Variants in NEO1 observed in about 807,000 individuals in gnomAD.
The protein encoded by NEO1 is neogenin 1.
In NEO1, 63 loss-of-function variants were observed where a neutral mutation model predicts 159.7. That is an observed-to-expected ratio of 0.39 (90% confidence interval 0.32 to 0.49). The LOEUF (loss-of-function observed/expected upper bound fraction) is 0.49. Among genes scored for constraint, NEO1 ranks in the 20% least tolerant of loss-of-function variants. The pLI is 0.85. For synonymous variants in NEO1, 633 were observed against 662.0 expected, an observed-to-expected ratio of 0.96 and a Z score of 0.67; for missense variants, 1,615 against 1,831.0, an observed-to-expected ratio of 0.88 and a Z score of 2.15.
chr15:73,195,631 A>G (rs1175973079), intron 7 of NEO1, among the ~76,000 whole-genome samples: 1 of 152,132 alleles, frequency 6.6e-6, no homozygotes, highest in Non-Finnish European at 1.5e-5. Flanking sequence ...TCTCATAAAA[A>G]CCTTTATTTA....
At chr15:73,154,101 T>A (rs1489499652) in intron 5 of NEO1, among the ~76,000 whole-genome samples, 1 of 152,158 alleles carries the variant, frequency 6.6e-6, no homozygotes, top group Non-Finnish European at 1.5e-5. Flanking sequence ...ATATATTAGG[T>A]CTTATGTCCT....
intron 1 of NEO1, among the ~76,000 whole-genome samples, chr15:73,099,774 A>G (rs952740658): frequency 2.6e-5 from 4 of 152,224 alleles, no homozygotes; most frequent in African/African-American, 7.2e-5. Context: ...CTTGTTTTCC[A>G]TATGAGGAAA....
At chr15:73,291,970 C>T (rs2042180450) in intron 25 of NEO1, among the ~76,000 whole-genome samples, 1 of 152,130 alleles carries the variant, frequency 6.6e-6, no homozygotes, top group African/African-American at 2.4e-5. Context: ...ACCTGTCTTC[C>T]CCTAGAGTTG....
At chr15:73,180,298 C>G (rs965132728) in intron 7 of NEO1, among the ~76,000 whole-genome samples, 2 of 152,054 alleles carry the variant, frequency 1.3e-5, no homozygotes, top group African/African-American at 4.8e-5. Flanking sequence ...TTTTTGTGTG[C>G]TATTTTTTGA....
chr15:73,054,288 A>G (rs1194144225), intron 1 of NEO1, among the ~76,000 whole-genome samples: 2 of 152,244 alleles, frequency 1.3e-5, no homozygotes, highest in Admixed American at 6.5e-5. Context: ...TTTGCCGATA[A>G]TTTTGTAAGT....
intron 1 of NEO1, among the ~76,000 whole-genome samples, chr15:73,099,386 A>G (rs2070273841): frequency 6.6e-6 from 1 of 152,242 alleles, no homozygotes; most frequent in African/African-American, 2.4e-5. Context: ...ACAGTTGAAT[A>G]GAAGAATTCT....
chr15:73,172,782 A>G (rs1189735040), intron 5 of NEO1, among the ~76,000 whole-genome samples: 9 of 152,214 alleles, frequency 5.9e-5, no homozygotes, highest in Non-Finnish European at 2.9e-5. Context: ...TTTTGTAGGG[A>G]AACTTGAGCA....
chr15:73,064,787 T>C (rs905911094), intron 1 of NEO1, among the ~76,000 whole-genome samples: 2 of 152,208 alleles, frequency 1.3e-5, no homozygotes, highest in Admixed American at 6.5e-5. Context: ...ATATTTATGT[T>C]ATGTTTGTAG....
chr15:73,122,063 GTATATATATATATATA>G (rs200219694), intron 2 of NEO1, among the ~76,000 whole-genome samples: 5 of 126,366 alleles, frequency 4.0e-5, no homozygotes, highest in Non-Finnish European at 7.9e-5. Flanking sequence ...GTGTGTGTGT[GTATATATATATATATA>G]TATATATATA....
chr15:73,254,572 CTGCCTCTA>C, intron 12 of NEO1, 102 bp from the exon 13 acceptor site: 8 of 1,108,578 alleles, frequency 7.2e-6, no homozygotes, highest in Non-Finnish European at 1.0e-5. Flanking sequence ...GAGTACCTTG[CTGCCTCTA>C]TGTTTTTTCT....
chr15:73,182,275 A>T (rs1303553378), intron 7 of NEO1, among the ~76,000 whole-genome samples: 1 of 152,210 alleles, frequency 6.6e-6, no homozygotes, highest in Admixed American at 6.5e-5. Flanking sequence ...GGGTGGGGAC[A>T]CATCCAAACC....
intron 1 of NEO1, among the ~76,000 whole-genome samples, chr15:73,087,931 G>A (rs2069456515): frequency 1.3e-5 from 2 of 151,848 alleles, no homozygotes; most frequent in South Asian, 4.2e-4. Context: ...TTCTAATGTT[G>A]AACATTTAAG....
chr15:73,051,777 G>A (rs1364364617), upstream of NEO1: 1 of 151,970 alleles, frequency 6.6e-6, no homozygotes, highest in Non-Finnish European at 1.5e-5. Context: ...AGTCGGGCGG[G>A]ATCGCTATTG....
At chr15:73,140,872 A>G (rs2032319857) in intron 5 of NEO1, among the ~76,000 whole-genome samples, 1 of 152,266 alleles carries the variant, frequency 6.6e-6, no homozygotes, top group Non-Finnish European at 1.5e-5. Context: ...ACATTGTTAT[A>G]TATAATTCCA....
intron 15 of NEO1, among the ~76,000 whole-genome samples, chr15:73,262,728 C>T (rs1004874159): frequency 3.3e-5 from 5 of 152,078 alleles, no homozygotes; most frequent in South Asian, 4.1e-4. Flanking sequence ...TAATCCCACA[C>T]GTAGATAATT....
chr15:73,074,668 G>C (rs1359253200), intron 1 of NEO1, among the ~76,000 whole-genome samples: 1 of 152,160 alleles, frequency 6.6e-6, no homozygotes, highest in Non-Finnish European at 1.5e-5. Flanking sequence ...ATAGGCACAT[G>C]GCCCTTTATG....
At chr15:73,075,899 G>C (rs1428640938) in intron 1 of NEO1, among the ~76,000 whole-genome samples, 1 of 152,096 alleles carries the variant, frequency 6.6e-6, no homozygotes, top group Non-Finnish European at 1.5e-5. Flanking sequence ...CTTTACTTGA[G>C]CTGTGACTAG....
In NEO1 at chr15:73,084,781, T is replaced by TG. The variant is rs551148834; in HGVS notation, c.131-31759_131-31758insG. On this transcript the variant is annotated intron_variant, in intron 1 of 28. Transcript: ENST00000261908. ...ATGTTTCAATTTTACCTTTTTCTTT[T>TG]TGTGTGTGTGTGTGTGTTTAATGTG... is the stretch of plus-strand genomic sequence containing the variant. Among the ~76,000 whole-genome samples, 1,512 of 151,548 alleles carry TG rather than the reference T, an allele frequency of 1.0e-2. 21 individuals carry two copies. Among genetic ancestry groups the TG allele is most frequent in the African/African-American group, 0.03 (1,260 of 41,394 alleles).
At chr15:73,197,657 T>C (rs2036604528) in intron 7 of NEO1, among the ~76,000 whole-genome samples, 1 of 151,350 alleles carries the variant, frequency 6.6e-6, no homozygotes, top group South Asian at 2.1e-4. Flanking sequence ...TTGTTTTGTC[T>C]GATACTGACA....
Sources: gnomAD v4.1 joint callset for allele counts (sites outside exome capture counted in the v4.1 genomes callset) on GRCh38, gnomAD v4.1.1 for gene constraint, MANE v1.5 for transcripts, NCBI Gene and HGNC (gene_info 2026-07-23, HGNC 2026-07-21) for gene names.